The following GAS2 variants were observed in gnomAD, a reference collection of about 807,000 sequenced individuals.
The protein encoded by GAS2 is growth arrest specific 2, also known as growth arrest-specific protein 2.
A neutral mutation model predicts 37.5 loss-of-function variants in GAS2; 20 were observed. That is an observed-to-expected ratio of 0.53 (90% CI 0.37 to 0.77). GAS2 has a LOEUF of 0.77. Among genes scored for constraint, GAS2 ranks in the 30% least tolerant of loss-of-function variants. The pLI is 0.00. For missense variants in GAS2, 336 were observed against 373.4 expected, an observed-to-expected ratio of 0.90 and a Z score of 0.82; for synonymous variants, 144 against 132.2, an observed-to-expected ratio of 1.09 and a Z score of -0.61.
At chr11:22,747,923 A>G (rs973251487) in intron 5 of GAS2, among the ~76,000 whole-genome samples, 20 of 152,202 alleles carry the variant, frequency 1.3e-4, no homozygotes, top group African/African-American at 4.1e-4. Context: ...CCCTCGGAGT[A>G]TGTACTGAAC....
chr11:22,768,429 C>T (rs1348515383), intron 7 of GAS2, among the ~76,000 whole-genome samples: 1 of 152,200 alleles, frequency 6.6e-6, no homozygotes, highest in African/African-American at 2.4e-5. Flanking sequence ...CTCTTTTACA[C>T]ACCAGCTTTT....
rs180803897 is a variant in GAS2, at chr11:22,737,817, C to A, written c.473+49C>A. 190 of 1,520,878 alleles carry A rather than the reference C, an allele frequency of 1.2e-4. 3 individuals are homozygous for A. The South Asian group carries it at 1.4e-3, about 11-fold the overall frequency. 94.2% of individuals were successfully genotyped at this position (1,520,878 alleles called of 1,614,324 possible). ...GTCAAGACATTGACGATTTCAGCAT[C>A]CAAGCAACACAGAAGCTTGCTGGCT... On this transcript the variant is annotated intron_variant, in intron 5 of 7. Coordinates refer to ENST00000454584, the MANE Select transcript of GAS2 (RefSeq NM_001143830.3).
At chr11:22,774,496 A>G (rs935395360) in intron 7 of GAS2, among the ~76,000 whole-genome samples, 2 of 152,236 alleles carry the variant, frequency 1.3e-5, no homozygotes, top group African/African-American at 4.8e-5. Flanking sequence ...TGTGGTTAGT[A>G]TGACATTTTA....
intron 7 of GAS2, among the ~76,000 whole-genome samples, chr11:22,789,433 T>TATATATATATATATAA (rs1856014484): frequency 2.5e-5 from 1 of 39,818 alleles, no homozygotes; most frequent in African/African-American, 8.5e-5. Flanking sequence ...GAGATATATA[T>TATATATATATATATAA]ATATATATAT....
At chr11:22,697,167 G>A (rs1013221185) in intron 3 of GAS2, among the ~76,000 whole-genome samples, 8 of 152,290 alleles carry the variant, frequency 5.3e-5, no homozygotes, top group Non-Finnish European at 8.8e-5. Context: ...CATATGGCTA[G>A]CCAGTTTTCC....
rs557332429 is a variant in GAS2, at chr11:22,762,762, A to G, written c.723+6809A>G. ...TTTGTTACTGTATGATGGACACTGT[A>G]TAAAATTCTTTATGTGGTCTATCTC... On this transcript the variant is annotated intron_variant, in intron 7 of 7. Coordinates refer to ENST00000454584, the MANE Select transcript of GAS2 (RefSeq NM_001143830.3). Among the ~76,000 whole-genome samples the G allele has an allele frequency of 2.0e-5, 3 of 152,298 alleles. No individual in the cohort carries two copies. In the East Asian group the frequency reaches 5.8e-4, roughly 29 times the overall value.
chr11:22,755,736 A>G (rs1853993027), intron 6 of GAS2, 110 bp from the exon 7 acceptor site: 1 of 667,528 alleles, frequency 1.5e-6, no homozygotes, highest in Non-Finnish European at 2.6e-6. Flanking sequence ...CCATAGATAA[A>G]TAACAAGTTT....
intron 5 of GAS2, among the ~76,000 whole-genome samples, chr11:22,741,457 G>C (rs2134245168): frequency 6.6e-6 from 1 of 150,674 alleles, no homozygotes; most frequent in Admixed American, 6.6e-5. Context: ...TATAATAGAA[G>C]TAAAAAAAAA....
At chr11:22,797,694 A>C (rs1360479970) in intron 7 of GAS2, among the ~76,000 whole-genome samples, 2 of 152,044 alleles carry the variant, frequency 1.3e-5, no homozygotes, top group Non-Finnish European at 2.9e-5. Context: ...AACAAAATTA[A>C]ATAGGAGGAA....
upstream of GAS2, among the ~76,000 whole-genome samples, chr11:22,666,297 G>T (rs1395455849): frequency 6.6e-6 from 1 of 152,222 alleles, no homozygotes. Flanking sequence ...GTTCAATTTG[G>T]AATGAAGAGT....
chr11:22,704,944 C>A (rs1012013698), intron 3 of GAS2, among the ~76,000 whole-genome samples: 9 of 151,896 alleles, frequency 5.9e-5, no homozygotes, highest in African/African-American at 2.2e-4. Context: ...TAATTAATGC[C>A]ATGTGATATG....
intron 1 of GAS2, among the ~76,000 whole-genome samples, chr11:22,627,257 T>G (rs1858674702): frequency 6.6e-6 from 1 of 152,258 alleles, no homozygotes; most frequent in African/African-American, 2.4e-5. Context: ...GCATCACTAA[T>G]TCATTTATTT....
At chr11:22,731,232 G>C (rs1852459123) in intron 4 of GAS2, 1 of 354,484 alleles carries the variant, frequency 2.8e-6, no homozygotes, top group Non-Finnish European at 5.6e-6. Flanking sequence ...GGTGAGCTGG[G>C]AGATGGCGAA....
rs77239736 is a variant in GAS2, at chr11:22,777,002, G to T, written c.723+21049G>T. Among the ~76,000 whole-genome samples, 1,237 of 152,282 alleles carry T rather than the reference G, an allele frequency of 8.1e-3. 19 individuals carry two copies. The highest frequency in any genetic ancestry group is 0.028 in the African/African-American group (1,169 of 41,568). ...AGGATCAGGAAAGTTAAAAGAGAGT[G>T]CAGCTAGGAGTCCAACAGGAGGTGG... On this transcript the variant is annotated intron_variant, in intron 7 of 7. Coordinates refer to ENST00000454584, the MANE Select transcript of GAS2 (RefSeq NM_001143830.3).
rs533376672 is a variant in GAS2 at position 22,717,541 on chromosome 11, G to C, written c.268-8751G>C. On this transcript the variant is annotated intron_variant, in intron 3 of 7. Coordinates refer to ENST00000454584, the MANE Select transcript of GAS2 (RefSeq NM_001143830.3). ...TAAAAATTCTGGAAGAAAACATCAGGAAAAACTCTTCTAGACATTATCCTA... is the reference window on the plus strand; with the variant it reads ...TAAAAATTCTGGAAGAAAACATCAGCAAAAACTCTTCTAGACATTATCCTA... Among the ~76,000 whole-genome samples the C allele has an allele frequency of 1.2e-4, 18 of 152,040 alleles. 1 individual carries two copies. The highest frequency in any genetic ancestry group is 8.5e-4 in the Admixed American group (13 of 15,250).
At chr11:22,676,230 A>G (rs534201381) in intron 2 of GAS2, among the ~76,000 whole-genome samples, 1 of 152,274 alleles carries the variant, frequency 6.6e-6, no homozygotes, top group South Asian at 2.1e-4. Flanking sequence ...GGAAGGGGCT[A>G]CACCTTTCAG....
At chr11:22,662,669 A>AG (rs968600953), upstream of GAS2, among the ~76,000 whole-genome samples, 3 of 151,932 alleles carry the variant, frequency 2.0e-5, no homozygotes, top group Non-Finnish European at 4.4e-5. Flanking sequence ...TAAAAAAAAA[A>AG]CACCTTCAAC....
At chr11:22,649,355 C>A (rs1848742967) in intron 1 of GAS2, among the ~76,000 whole-genome samples, 1 of 151,972 alleles carries the variant, frequency 6.6e-6, no homozygotes, top group African/African-American at 2.4e-5. Context: ...CAATGTTCAT[C>A]AAGGATATTG....
intron 3 of GAS2, among the ~76,000 whole-genome samples, chr11:22,697,500 TG>T (rs1375803409): frequency 6.6e-6 from 1 of 152,188 alleles, no homozygotes; most frequent in African/African-American, 2.4e-5. Context: ...GGTAGCTTGA[TG>T]GGGATGGCAT....
Sources: allele counts gnomAD v4.1 joint callset (sites outside exome capture counted in the v4.1 genomes callset), GRCh38; gene constraint gnomAD v4.1.1; transcripts MANE v1.5; gene names NCBI Gene and HGNC (gene_info 2026-07-23, HGNC 2026-07-21).